Variants in COL23A1 observed in about 807,000 individuals in gnomAD.
The protein encoded by COL23A1 is collagen type XXIII alpha 1 chain.
Under a neutral mutation model 99.3 loss-of-function variants are expected in COL23A1, and 97 were observed. That is an observed-to-expected ratio of 0.98 (90% CI 0.83 to 1.16). COL23A1 has a LOEUF of 1.16. Among genes scored for constraint, COL23A1 ranks in the 50% most tolerant of loss-of-function variants. The probability of loss-of-function intolerance (pLI) is 0.00; values close to 1 mark genes in which losing one functional copy is unlikely to be tolerated. For synonymous variants in COL23A1, 320 were observed against 308.2 expected (o/e 1.04, Z -0.40); for missense variants, 762 against 757.4 (o/e 1.01, Z -0.07).
chr5:178,459,219 G>A (rs536932549), intron 2 of COL23A1, among the ~76,000 whole-genome samples: 19 of 151,636 alleles, frequency 1.3e-4, no homozygotes, highest in Admixed American at 4.6e-4. Context: ...ATTTGTTTAC[G>A]TGTAATAAAT....
chr5:178,537,279 C>T (rs1388150047), intron 2 of COL23A1, among the ~76,000 whole-genome samples: 1 of 152,232 alleles, frequency 6.6e-6, no homozygotes, highest in African/African-American at 2.4e-5. Context: ...CCCTGCCGCA[C>T]CCTCAGGGTC....
At chr5:178,489,195 T>C (rs1476345968) in intron 2 of COL23A1, among the ~76,000 whole-genome samples, 1 of 152,094 alleles carries the variant, frequency 6.6e-6, no homozygotes, top group African/African-American at 2.4e-5. Flanking sequence ...GGGGGCCCAG[T>C]AGGGACAAAG....
chr5:178,420,915 A>C (rs894130200), intron 2 of COL23A1, among the ~76,000 whole-genome samples: 6 of 151,756 alleles, frequency 4.0e-5, no homozygotes, highest in Non-Finnish European at 8.8e-5. Context: ...TTCCCAAGGA[A>C]AACCCTCATG....
At chr5:178,576,442 C>T (rs910536438) in intron 1 of COL23A1, among the ~76,000 whole-genome samples, 1 of 152,168 alleles carries the variant, frequency 6.6e-6, no homozygotes. Context: ...GCCATACTGG[C>T]GAGGCTGGTC....
chr5:178,458,092 T>C (rs562595268), intron 2 of COL23A1, among the ~76,000 whole-genome samples: 3 of 7,890 alleles, frequency 3.8e-4, no homozygotes, highest in African/African-American at 2.3e-3. Flanking sequence ...TCAAAAGGAC[T>C]CACATGCCAC....
intron 2 of COL23A1, among the ~76,000 whole-genome samples, chr5:178,493,303 T>G (rs1431370050): frequency 6.6e-6 from 1 of 152,194 alleles, no homozygotes; most frequent in Non-Finnish European, 1.5e-5. Context: ...CACTGAACCC[T>G]GCTCCACGAG....
intron 2 of COL23A1, among the ~76,000 whole-genome samples, chr5:178,488,333 A>G (rs2127964454): frequency 6.6e-6 from 1 of 152,146 alleles, no homozygotes; most frequent in Non-Finnish European, 1.5e-5. Flanking sequence ...GAGCTGCTGA[A>G]TTTTCACAGC....
At chr5:178,509,181 C>A (rs188324268) in intron 2 of COL23A1, among the ~76,000 whole-genome samples, 69 of 151,272 alleles carry the variant, frequency 4.6e-4, no homozygotes, top group Non-Finnish European at 9.1e-4. Context: ...CCCCCGCCCA[C>A]CCCACCGGCA....
intron 1 of COL23A1, among the ~76,000 whole-genome samples, chr5:178,581,491 G>A (rs892073102): frequency 7.3e-5 from 11 of 151,594 alleles, no homozygotes; most frequent in Admixed American, 3.3e-4. Context: ...GCTTGAACCC[G>A]GGAGACAGAG....
intron 2 of COL23A1, among the ~76,000 whole-genome samples, chr5:178,425,963 G>A (rs1055834802): frequency 6.6e-6 from 1 of 152,154 alleles, no homozygotes; most frequent in African/African-American, 2.4e-5. Context: ...ACCCAGAAAA[G>A]GTGCCACGGT....
intron 2 of COL23A1, among the ~76,000 whole-genome samples, chr5:178,539,545 C>CAA (rs58424731): frequency 6.8e-4 from 53 of 78,354 alleles, no homozygotes; most frequent in East Asian, 1.6e-3. Context: ...GACTCTGTCT[C>CAA]AAAAAAAAAA....
intron 2 of COL23A1, among the ~76,000 whole-genome samples, chr5:178,378,429 C>T (rs1452651775): frequency 1.3e-5 from 2 of 152,088 alleles, no homozygotes; most frequent in Non-Finnish European, 2.9e-5. Flanking sequence ...CTGCCGCTGA[C>T]TGGAGGGAGT....
At chr5:178,301,868 C>T (rs962309773) in intron 3 of COL23A1, among the ~76,000 whole-genome samples, 4 of 140,342 alleles carry the variant, frequency 2.9e-5, no homozygotes, top group East Asian at 2.2e-4. Flanking sequence ...TGCTGCACCT[C>T]GCACAGCACA....
At chr5:178,513,115 G>A (rs1198601123) in intron 2 of COL23A1, among the ~76,000 whole-genome samples, 1 of 152,082 alleles carries the variant, frequency 6.6e-6, no homozygotes, top group Admixed American at 6.5e-5. Flanking sequence ...GGATGTTCCT[G>A]AGCACCTGAC....
chr5:178,523,199 TATAGAGAG>T (rs1166795041), intron 2 of COL23A1, among the ~76,000 whole-genome samples: 46 of 75,988 alleles, frequency 6.1e-4, no homozygotes, highest in African/African-American at 1.2e-3. Context: ...TATATATATA[TATAGAGAG>T]AGAGAGAGAG....
chr5:178,547,769 A>ACCCCC, intron 2 of COL23A1, among the ~76,000 whole-genome samples: 1 of 10,200 alleles, frequency 9.8e-5, no homozygotes, highest in Non-Finnish European at 1.6e-4. Context: ...ATACCCACAT[A>ACCCCC]CCCACCCCCC....
chr5:178,498,257 T>TAA (rs1562025810), intron 2 of COL23A1, among the ~76,000 whole-genome samples: 23 of 83,790 alleles, frequency 2.7e-4, no homozygotes, highest in South Asian at 2.3e-3. Context: ...TATATATATA[T>TAA]AAAAGAACTT....
intron 2 of COL23A1, among the ~76,000 whole-genome samples, chr5:178,400,764 A>C (rs572740023): frequency 3.3e-5 from 5 of 152,082 alleles, no homozygotes; most frequent in Middle Eastern, 3.4e-3. Flanking sequence ...CAGCCTTCCA[A>C]GTACCTGGGA....
chr5:178,267,285 G>A (rs1755955188), intron 8 of COL23A1, 22 bp downstream of exon 8: 1 of 1,613,654 alleles, frequency 6.2e-7, no homozygotes, highest in Non-Finnish European at 8.5e-7. Context: ...GGGCAGTGAG[G>A]GAGGTCATGC....
Sources: allele counts gnomAD v4.1 joint callset (sites outside exome capture counted in the v4.1 genomes callset), GRCh38; gene constraint gnomAD v4.1.1; transcripts MANE v1.5; gene names NCBI Gene and HGNC (gene_info 2026-07-23, HGNC 2026-07-21).